The following CHSY1 variants were observed in gnomAD, a reference collection of about 807,000 sequenced individuals.
CHSY1 encodes the protein N-acetylgalactosaminyl-proteoglycan 3-beta-glucuronosyltransferase 1.
A neutral mutation model predicts 59.8 loss-of-function variants in CHSY1; 13 were observed. That is an observed-to-expected ratio of 0.22 (90% CI 0.14 to 0.35). The LOEUF is 0.35. Among genes scored for constraint, CHSY1 ranks in the 10% least tolerant of loss-of-function variants. CHSY1 has a pLI of 1.00. For missense variants in CHSY1, 947 were observed against 1,030.6 expected (o/e 0.92, Z 1.11); for synonymous variants, 459 against 401.2 (o/e 1.14, Z -1.72).
chr15:101,184,932 A>C (rs1470852574), intron 2 of CHSY1, among the ~76,000 whole-genome samples: 3 of 152,238 alleles, frequency 2.0e-5, no homozygotes, highest in Non-Finnish European at 4.4e-5. Flanking sequence ...TCTTTAAAAA[A>C]ATCTAAACTC....
At chr15:101,210,494 G>A (rs890587098) in intron 2 of CHSY1, among the ~76,000 whole-genome samples, 6 of 151,998 alleles carry the variant, frequency 3.9e-5, no homozygotes, top group African/African-American at 4.8e-5. Context: ...ATTACAAATA[G>A]TTTTTTTTAG....
intron 1 of CHSY1, among the ~76,000 whole-genome samples, chr15:101,236,886 T>G (rs1374301882): frequency 6.6e-6 from 1 of 151,774 alleles, no homozygotes; most frequent in Admixed American, 6.6e-5. Context: ...ATTACCTATT[T>G]TGGTATGTCT....
intron 2 of CHSY1, among the ~76,000 whole-genome samples, chr15:101,211,542 A>G (rs2038683227): frequency 6.6e-6 from 1 of 152,232 alleles, no homozygotes; most frequent in Non-Finnish European, 1.5e-5. Context: ...CAGAAGCAAT[A>G]TTTATAAAAA....
At chr15:101,241,322 C>T (rs191931275) in intron 1 of CHSY1, among the ~76,000 whole-genome samples, 292 of 152,308 alleles carry the variant, frequency 1.9e-3, no homozygotes, top group African/African-American at 6.7e-3. Context: ...AACTCCTGAC[C>T]TTGTGATCCG....
At chr15:101,195,324 T>G (rs1290730882) in intron 2 of CHSY1, among the ~76,000 whole-genome samples, 1 of 152,232 alleles carries the variant, frequency 6.6e-6, no homozygotes, top group Non-Finnish European at 1.5e-5. Context: ...CTTATTTTCC[T>G]GAAATAGTTA....
intron 2 of CHSY1, among the ~76,000 whole-genome samples, chr15:101,182,977 C>G (rs1172603921): frequency 6.6e-6 from 1 of 151,996 alleles, no homozygotes; most frequent in African/African-American, 2.4e-5. Flanking sequence ...AACACAACAA[C>G]AAAAACAAAA....
At chr15:101,200,352 G>A (rs1448578075) in intron 2 of CHSY1, among the ~76,000 whole-genome samples, 5 of 152,170 alleles carry the variant, frequency 3.3e-5, no homozygotes, top group Non-Finnish European at 7.3e-5. Context: ...AACACAACGC[G>A]AAGAAGACAC....
chr15:101,181,846 T>C (rs1008913754), intron 2 of CHSY1, among the ~76,000 whole-genome samples: 2 of 152,208 alleles, frequency 1.3e-5, no homozygotes, highest in African/African-American at 4.8e-5. Context: ...TTTTGACTCC[T>C]AAAAAACTTA....
chr15:101,202,802 A>G (rs1043483386), intron 2 of CHSY1, among the ~76,000 whole-genome samples: 2 of 152,252 alleles, frequency 1.3e-5, no homozygotes, highest in Non-Finnish European at 2.9e-5. Flanking sequence ...AAAAGATTAT[A>G]AAATGAGGAC....
At chr15:101,219,931 T>A (rs2038772091) in intron 2 of CHSY1, among the ~76,000 whole-genome samples, 1 of 152,146 alleles carries the variant, frequency 6.6e-6, no homozygotes, top group Non-Finnish European at 1.5e-5. Context: ...CACGCCCGGC[T>A]AATTTTGTGA....
In CHSY1 at chr15:101,178,559, A is replaced by G. The variant is rs2038230183; in HGVS notation, c.1238T>C (p.Met413Thr). 3.1e-6 allele frequency: 5 copies of G among 1,614,080 alleles called. No homozygotes were observed. Among genetic ancestry groups the G allele is most frequent in the Non-Finnish European group, 4.2e-6 (5 of 1,180,050 alleles). Residue 413 changes from methionine (M) to threonine (T), a missense_variant, in exon 3 of 3, where the codon ATG becomes ACG. Physicochemically the swap from Met to Thr is moderately conservative, Grantham distance 81. Transcript: ENST00000254190. The part of the protein sequence containing the change: ...EALDDIVMQV[M>T]EMINANAKTR... Reference sequence around the variant, plus strand: ...CTTGGCGTTGGCATTGATCATCTCCATGACCTGCATGACAATGTCGTCCAA... The same window carrying G: ...CTTGGCGTTGGCATTGATCATCTCCGTGACCTGCATGACAATGTCGTCCAA...
chr15:101,234,930 ATT>A (rs66876912), intron 2 of CHSY1, 150 bp downstream of exon 2: 77 of 928,358 alleles, frequency 8.3e-5, no homozygotes, highest in Middle Eastern at 6.6e-4. Context: ...GGGGAACTGA[ATT>A]TTTTTTTTAA....
intron 2 of CHSY1, among the ~76,000 whole-genome samples, chr15:101,232,918 A>G (rs1335159866): frequency 6.6e-6 from 1 of 152,196 alleles, no homozygotes; most frequent in Non-Finnish European, 1.5e-5. Flanking sequence ...CATTTAAAGA[A>G]ACGCAGAGCA....
At chr15:101,218,505 G>GGAATCACTTGAATGCAGGA (rs2038757439) in intron 2 of CHSY1, among the ~76,000 whole-genome samples, 1 of 152,194 alleles carries the variant, frequency 6.6e-6, no homozygotes. Flanking sequence ...GCTGAGGTGG[G>GGAATCACTTGAATGCAGGA]GAATCACTTG....
chr15:101,207,203 C>T (rs892474602), intron 2 of CHSY1, among the ~76,000 whole-genome samples: 1 of 152,158 alleles, frequency 6.6e-6, no homozygotes, highest in Admixed American at 6.5e-5. Flanking sequence ...GAAAAATAAG[C>T]CACTCACTAT....
chr15:101,243,626 C>T (rs1567109370), intron 1 of CHSY1, among the ~76,000 whole-genome samples: 1 of 152,204 alleles, frequency 6.6e-6, no homozygotes, highest in Non-Finnish European at 1.5e-5. Context: ...TAAGGCTGAA[C>T]AAACAGTCAT....
At chr15:101,207,840 G>A (rs533372009) in intron 2 of CHSY1, among the ~76,000 whole-genome samples, 38 of 152,286 alleles carry the variant, frequency 2.5e-4, no homozygotes, top group African/African-American at 8.4e-4. Flanking sequence ...TGCCCCACCC[G>A]TTGTCCTGAA....
chr15:101,233,650 T>C lies in CHSY1; in HGVS notation c.816+1432A>G, dbSNP rs112377145. Among the ~76,000 whole-genome samples, 552 of 152,232 alleles carry C rather than the reference T, an allele frequency of 3.6e-3. 1 individual carries two copies. Among genetic ancestry groups the C allele is most frequent in the South Asian group, 9.3e-3 (45 of 4,822 alleles). On this transcript the variant is annotated intron_variant, in intron 2 of 2. Transcript: ENST00000254190. ...CCCCTATGTGCTGGGGTTGGGGGGA[T>C]AGTATAAGGCACACAGGGATTGAAG... is the stretch of plus-strand genomic sequence containing the variant.
At chr15:101,230,640 G>C (rs1284155975) in intron 2 of CHSY1, among the ~76,000 whole-genome samples, 2 of 152,114 alleles carry the variant, frequency 1.3e-5, no homozygotes, top group Admixed American at 1.3e-4. Flanking sequence ...ATTCCTTTAT[G>C]AGACAGACTA....
Sources: allele counts gnomAD v4.1 joint callset (sites outside exome capture counted in the v4.1 genomes callset), GRCh38; gene constraint gnomAD v4.1.1; transcripts MANE v1.5; gene names NCBI Gene and HGNC (gene_info 2026-07-23, HGNC 2026-07-21).